The following NBPF11 variants were observed in gnomAD, a reference collection of about 807,000 sequenced individuals.
The protein encoded by NBPF11 is NBPF family member NBPF11.
In NBPF11, 72 loss-of-function variants were observed where a neutral mutation model predicts 93.9. The ratio of observed to expected loss-of-function variants is 0.77; its 90% CI spans 0.63 to 0.93. NBPF11 has a LOEUF of 0.93. Ranked by LOEUF, NBPF11 falls within the 40% of genes least tolerant of loss-of-function variation. The probability of loss-of-function intolerance (pLI) is 0.00; values close to 1 mark genes in which losing one functional copy is unlikely to be tolerated. For missense variants in NBPF11, 705 were observed against 802.2 expected (o/e 0.88, Z 1.46); for synonymous variants, 224 against 304.9 (o/e 0.73, Z 2.76).
intron 1 of NBPF11, 147 bp downstream of exon 1, chr1:148,151,603 G>A (rs1176008537): frequency 6.6e-6 from 1 of 152,002 alleles, no homozygotes; most frequent in Non-Finnish European, 1.5e-5. Context: ...GGCCCCGGCG[G>A]AGCCCTGCGG....
intron 15 of NBPF11, among the ~76,000 whole-genome samples, chr1:148,111,658 T>C (rs1266376038): frequency 6.6e-6 from 1 of 151,410 alleles, no homozygotes; most frequent in East Asian, 1.9e-4. Context: ...GTATCAGTGA[T>C]TCAAGATCAA....
At chr1:148,122,862 C>T in intron 7 of NBPF11, 61 bp from the exon 8 acceptor site, 2 of 1,607,332 alleles carry the variant, frequency 1.2e-6, no homozygotes, top group South Asian at 1.1e-5. Flanking sequence ...GCACAGTCAG[C>T]CCAACGTGCA....
intron 15 of NBPF11, among the ~76,000 whole-genome samples, chr1:148,112,897 T>C (rs1166377812): frequency 1.3e-5 from 2 of 151,118 alleles, no homozygotes; most frequent in African/African-American, 4.9e-5. Context: ...GAGAAATAAA[T>C]CCTTTACAGA....
Position 148,152,080 on chromosome 1 carries a change from G to C in NBPF11, c.-879C>G, listed in dbSNP as rs1213533994. ...CTACCGCACAGCGGGTTCGGGCCGC[G>C]GGCCGAGAAAAGGAGTAATGGAGGA... On this transcript the variant is annotated 5_prime_UTR_variant, in exon 1 of 24. Coordinates refer to ENST00000682118, the MANE Select transcript of NBPF11 (RefSeq NM_001385469.3). 4.6e-5 allele frequency: 7 copies of C among 152,198 alleles called. No homozygotes were observed. The highest frequency in any genetic ancestry group is 7.3e-5 in the Non-Finnish European group (5 of 68,140). The allele number at this position is 152,198 out of a possible 1,614,324, so 9.4% of individuals were successfully genotyped here. A position where few individuals can be genotyped will look rare whatever the true frequency, so the allele number is the denominator to read the frequency against.
chr1:148,146,946 C>T (rs1188871287), intron 1 of NBPF11: 2 of 1,581,462 alleles, frequency 1.3e-6, no homozygotes, highest in Non-Finnish European at 1.7e-6. Context: ...GGGGGCAGCT[C>T]AGCCTGGGCA....
chr1:148,103,504 T>A lies in NBPF11; in HGVS notation c.*392A>T, dbSNP rs1293661803. ...TAACGTGGGTCCATTGTCTTCAGAC[T>A]GAGCACAGGTTGCCACTGGCATGCT... On this transcript the variant is annotated 3_prime_UTR_variant, in exon 24 of 24. Transcript: ENST00000682118. The A allele has an allele frequency of 1.7e-6, 2 of 1,186,484 alleles. No individual in the cohort carries two copies. Among genetic ancestry groups the A allele is most frequent in the Admixed American group, 4.7e-5 (2 of 42,856 alleles). The allele number at this position is 1,186,484 out of a possible 1,614,324, so 73.5% of individuals were successfully genotyped here. A position where few individuals can be genotyped will look rare whatever the true frequency, so the allele number is the denominator to read the frequency against.
intron 4 of NBPF11, among the ~76,000 whole-genome samples, chr1:148,133,365 G>T (rs1670736573): frequency 6.6e-6 from 1 of 151,930 alleles, no homozygotes; most frequent in African/African-American, 2.4e-5. Context: ...TGAATTAAAA[G>T]AGTAACAGCA....
chr1:148,117,971 T>C (rs1185888372), intron 11 of NBPF11, among the ~76,000 whole-genome samples, 185 bp from the exon 12 acceptor site: 2 of 151,390 alleles, frequency 1.3e-5, no homozygotes, highest in African/African-American at 2.4e-5. Flanking sequence ...TTCCTCTGTA[T>C]CAGAGAGGGC....
chr1:148,139,323 A>T lies in NBPF11; in HGVS notation c.-276-1514T>A, dbSNP rs1458028544. 6.9e-5 allele frequency among the ~76,000 whole-genome samples: 10 copies of T among 144,418 alleles called. 2 individuals carry two copies. Among genetic ancestry groups the T allele is most frequent in the African/African-American group, 2.7e-4 (10 of 37,668 alleles). The allele number at this position is 144,418 out of a possible 152,430, so 94.7% of individuals were successfully genotyped here. On this transcript the variant is annotated intron_variant, in intron 2 of 23. Coordinates refer to ENST00000682118, the MANE Select transcript of NBPF11 (RefSeq NM_001385469.3). ...CCCCGAAAACCATCCCTAGAATGCAATCTCTTCTCTATTTGTCACAAAACG... is the reference window on the plus strand; with the variant it reads ...CCCCGAAAACCATCCCTAGAATGCATTCTCTTCTCTATTTGTCACAAAACG...
chr1:148,144,553 C>T (rs1402628933), intron 1 of NBPF11, among the ~76,000 whole-genome samples: 1 of 151,344 alleles, frequency 6.6e-6, no homozygotes, highest in Non-Finnish European at 1.5e-5. Flanking sequence ...TTTCCAGGAG[C>T]TTATATTGAA....
intron 2 of NBPF11, among the ~76,000 whole-genome samples, chr1:148,142,834 T>C (rs1672416052): frequency 6.6e-6 from 1 of 152,042 alleles, no homozygotes; most frequent in Non-Finnish European, 1.5e-5. Flanking sequence ...AAATTCTAAG[T>C]CCTACAGGAT....
At chr1:148,135,103 AAGG>A (rs1671063571) in intron 4 of NBPF11, 1 of 147,678 alleles carries the variant, frequency 6.8e-6, no homozygotes, top group Non-Finnish European at 1.5e-5. Flanking sequence ...GTAGGCTGAA[AAGG>A]AGGAGGTACT....
intron 1 of NBPF11, among the ~76,000 whole-genome samples, chr1:148,146,149 G>C (rs1405238988): frequency 6.6e-6 from 1 of 151,692 alleles, no homozygotes; most frequent in Non-Finnish European, 1.5e-5. Context: ...GGGGGCGCGG[G>C]CCGGGGTGGG....
intron 5 of NBPF11, 79 bp downstream of exon 5, chr1:148,126,750 G>T (rs1669214911): frequency 7.5e-7 from 1 of 1,331,782 alleles, no homozygotes; most frequent in Admixed American, 1.7e-5. Context: ...GTACAGGAAG[G>T]ATGAAATTAT....
intron 5 of NBPF11, 45 bp downstream of exon 5, chr1:148,126,784 G>C: frequency 1.2e-6 from 2 of 1,601,532 alleles, no homozygotes; most frequent in Non-Finnish European, 1.7e-6. Context: ...AGCATTTAGT[G>C]TCTCACATTC....
At position 148,109,266 on chromosome 1, in the gene NBPF11, A is replaced by G; in HGVS notation, c.1853+18T>C. ...GGTGTCAACATCAAATTAACTGTCC[A>G]CAATTTCTCAGACTCACCTGGGACC... On this transcript the variant is annotated intron_variant, in intron 17 of 23. Coordinates refer to ENST00000682118, the MANE Select transcript of NBPF11 (RefSeq NM_001385469.3). 1.2e-6 allele frequency: 1 copy of G among 809,594 alleles called. No homozygotes were observed. Among genetic ancestry groups the G allele is most frequent in the Non-Finnish European group, 2.2e-6 (1 of 459,528 alleles). 50.2% of individuals were successfully genotyped at this position (809,594 alleles called of 1,614,324 possible). A position where few individuals can be genotyped will look rare whatever the true frequency, so the allele number is the denominator to read the frequency against.
In NBPF11 at chr1:148,149,202, G is replaced by A. The variant is rs1389168198; in HGVS notation, c.-549+2548C>T. On this transcript the variant is annotated intron_variant, in intron 1 of 23. Coordinates refer to ENST00000682118, the MANE Select transcript of NBPF11 (RefSeq NM_001385469.3). ...GACAGCATCATCCTGTACGGGCAGA[G>A]CATCGGCACGGTGCCCACCATGGAC... 2.4e-5 allele frequency: 37 copies of A among 1,558,990 alleles called. 3 individuals are homozygous for A. In the East Asian group the frequency reaches 6.6e-4, roughly 28 times the overall value.
chr1:148,113,213 C>T (rs1254342670), intron 15 of NBPF11, among the ~76,000 whole-genome samples: 1 of 151,874 alleles, frequency 6.6e-6, no homozygotes, highest in Non-Finnish European at 1.5e-5. Context: ...GTGTGCTGTA[C>T]TCAGAAAACC....
rs1268305404 is a variant in NBPF11, at chr1:148,105,359, C to T, written c.2472+1G>A. 2 of 790,232 alleles carry T rather than the reference C, an allele frequency of 2.5e-6. No homozygotes were observed. The highest frequency in any genetic ancestry group is 3.5e-5 in the African/African-American group (2 of 57,308). 49.0% of individuals were successfully genotyped at this position (790,232 alleles called of 1,614,324 possible). A position where few individuals can be genotyped will look rare whatever the true frequency, so the allele number is the denominator to read the frequency against. ...TATCACCTTCATAGAAAGGTACTCACCTCCCACGTCAAGAGAAAAGCCAAC... is the reference window on the plus strand; with the variant it reads ...TATCACCTTCATAGAAAGGTACTCATCTCCCACGTCAAGAGAAAAGCCAAC... On this transcript the variant is annotated splice_donor_variant, in intron 22 of 23. Coordinates refer to ENST00000682118, the MANE Select transcript of NBPF11 (RefSeq NM_001385469.3). LOFTEE classifies it high-confidence loss of function.
Sources: allele counts gnomAD v4.1 joint callset (sites outside exome capture counted in the v4.1 genomes callset), GRCh38; gene constraint gnomAD v4.1.1; transcripts MANE v1.5; gene names NCBI Gene and HGNC (gene_info 2026-07-23, HGNC 2026-07-21).